The following PHTF2 variants were observed in gnomAD, a reference collection of about 807,000 sequenced individuals.
PHTF2 encodes the protein putative homeodomain transcription factor 2.
In PHTF2, 60 loss-of-function variants were observed where a neutral mutation model predicts 101.2. The observed-to-expected ratio is 0.59, with a 90% CI of 0.48 to 0.73. The LOEUF (loss-of-function observed/expected upper bound fraction) is 0.73, where lower values mean the gene tolerates loss of function less well. Ranked by LOEUF, PHTF2 falls within the 30% of genes least tolerant of loss-of-function variation. PHTF2 has a pLI of 0.00. For missense variants in PHTF2, 747 were observed against 908.7 expected (o/e 0.82, Z 2.29); for synonymous variants, 311 against 307.3 (o/e 1.01, Z -0.13).
chr7:77,910,196 T>C (rs780814572), intron 8 of PHTF2, 49 bp from the exon 8 acceptor site: 2 of 1,514,534 alleles, frequency 1.3e-6, no homozygotes, highest in South Asian at 2.4e-5. Flanking sequence ...GAGAAAGTGG[T>C]TATTAAAATA....
intron 2 of PHTF2, chr7:77,854,618 C>T (rs1399598235): frequency 6.3e-6 from 4 of 634,188 alleles, no homozygotes; most frequent in African/African-American, 5.4e-5. Flanking sequence ...GGAGCCAGAG[C>T]CTGGAGTCAG....
chr7:77,902,079 C>T (rs142766200), intron 7 of PHTF2, among the ~76,000 whole-genome samples, 159 bp downstream of exon 6: 5 of 130,082 alleles, frequency 3.8e-5, no homozygotes, highest in South Asian at 3.1e-4. Flanking sequence ...TTTGAGAAAA[C>T]AAAGCAGTTA....
At chr7:77,890,134 G>T (rs1012861611) in intron 3 of PHTF2, among the ~76,000 whole-genome samples, 2 of 150,042 alleles carry the variant, frequency 1.3e-5, no homozygotes, top group African/African-American at 4.9e-5. Context: ...ATTTTATCCT[G>T]TGGCTTTTTT....
chr7:77,850,228 A>G (rs537419611), intron 2 of PHTF2, among the ~76,000 whole-genome samples: 4 of 150,708 alleles, frequency 2.7e-5, no homozygotes, highest in Non-Finnish European at 5.9e-5. Context: ...GTGTGGTGGC[A>G]TGCCCCTTTA....
intron 1 of PHTF2, among the ~76,000 whole-genome samples, chr7:77,807,025 T>TACAC (rs1192925078): frequency 6.6e-6 from 1 of 152,172 alleles, no homozygotes; most frequent in Non-Finnish European, 1.5e-5. Flanking sequence ...TAAACACACA[T>TACAC]ACACACACAT....
chr7:77,868,408 A>G (rs886624415), intron 3 of PHTF2, among the ~76,000 whole-genome samples: 11 of 144,326 alleles, frequency 7.6e-5, no homozygotes, highest in Admixed American at 2.2e-4. Context: ...GCTTCAAGCA[A>G]TCCTCCTACC....
chr7:77,811,833 G>A (rs1793467058), intron 1 of PHTF2, among the ~76,000 whole-genome samples: 1 of 152,104 alleles, frequency 6.6e-6, no homozygotes, highest in African/African-American at 2.4e-5. Flanking sequence ...AGGAGTCTTT[G>A]TTTCTAGGCC....
At chr7:77,917,796 G>C (rs1236949213) in intron 9 of PHTF2, among the ~76,000 whole-genome samples, 1 of 152,162 alleles carries the variant, frequency 6.6e-6, no homozygotes, top group African/African-American at 2.4e-5. Flanking sequence ...GCTACTGGCA[G>C]GCTGCCTTTG....
chr7:77,938,779 AAAAT>A (rs1431247822), intron 13 of PHTF2, among the ~76,000 whole-genome samples: 7 of 152,218 alleles, frequency 4.6e-5, no homozygotes. Flanking sequence ...TCCGTCTCAA[AAAAT>A]AAATAAATAA....
chr7:77,883,121 A>G (rs1799549681), intron 3 of PHTF2, among the ~76,000 whole-genome samples: 1 of 152,134 alleles, frequency 6.6e-6, no homozygotes, highest in Non-Finnish European at 1.5e-5. Context: ...TAGGTGGTTC[A>G]AGAGACAAAT....
intron 7 of PHTF2, among the ~76,000 whole-genome samples, chr7:77,905,929 A>G (rs1801814847): frequency 6.6e-6 from 1 of 152,128 alleles, no homozygotes; most frequent in African/African-American, 2.4e-5. Flanking sequence ...GACTTCATTA[A>G]ATGCTCAAAA....
intron 3 of PHTF2, among the ~76,000 whole-genome samples, chr7:77,867,868 G>A (rs777009524): frequency 1.3e-5 from 2 of 152,106 alleles, no homozygotes; most frequent in Non-Finnish European, 2.9e-5. Context: ...CTTTACATAC[G>A]ATCTTTTGTT....
intron 9 of PHTF2, among the ~76,000 whole-genome samples, chr7:77,915,103 G>A (rs1480156802): frequency 1.3e-5 from 2 of 151,318 alleles, no homozygotes; most frequent in African/African-American, 4.9e-5. Flanking sequence ...GTAGAGGTGG[G>A]GTTTCACCGT....
At chr7:77,814,360 GT>G (rs1335626350) in intron 1 of PHTF2, among the ~76,000 whole-genome samples, 3 of 152,136 alleles carry the variant, frequency 2.0e-5, no homozygotes, top group South Asian at 4.1e-4. Flanking sequence ...TAATTTTATT[GT>G]TTATTTTGTT....
chr7:77,889,626 C>G (rs1042139709), intron 3 of PHTF2, among the ~76,000 whole-genome samples: 3 of 120,946 alleles, frequency 2.5e-5, no homozygotes, highest in African/African-American at 9.7e-5. Context: ...GAGTCTTGCT[C>G]TGTCACTAGG....
chr7:77,912,759 T>G (rs1802526393), intron 9 of PHTF2, among the ~76,000 whole-genome samples: 1 of 122,244 alleles, frequency 8.2e-6, no homozygotes, highest in African/African-American at 3.0e-5. Flanking sequence ...TGAGACAGGG[T>G]CTCACTGCTG....
chr7:77,914,088 A>G (rs896915229), intron 9 of PHTF2, among the ~76,000 whole-genome samples: 5 of 151,904 alleles, frequency 3.3e-5, no homozygotes, highest in African/African-American at 1.2e-4. Flanking sequence ...AAAAGGAAAA[A>G]AAAAAGAAAT....
chr7:77,937,749 G>A, exon 13 of PHTF2: 5 of 1,486,234 alleles, frequency 3.4e-6, no homozygotes, highest in Non-Finnish European at 4.6e-6. Context: ...CCCAGGATTA[G>A]AAAAAATAAG....
chr7:77,942,417 C>T (rs1172151912), intron 15 of PHTF2, among the ~76,000 whole-genome samples: 7 of 152,088 alleles, frequency 4.6e-5, no homozygotes, highest in Non-Finnish European at 4.4e-5. Context: ...AAATATTTGT[C>T]GAATAAATGA....
Sources: allele counts gnomAD v4.1 joint callset (sites outside exome capture counted in the v4.1 genomes callset), GRCh38; gene constraint gnomAD v4.1.1; transcripts MANE v1.5; gene names NCBI Gene and HGNC (gene_info 2026-07-23, HGNC 2026-07-21).